WDPCP: variants seen among roughly 807,000 people sequenced by gnomAD.
WDPCP encodes the protein WD repeat-containing and planar cell polarity effector protein fritz homolog.
WDPCP carries 71 observed loss-of-function variants against 93.1 expected under a neutral mutation model. The observed-to-expected ratio is 0.76, with a 90% CI of 0.63 to 0.93. The LOEUF (loss-of-function observed/expected upper bound fraction) is 0.93. Ranked by LOEUF, WDPCP falls within the 40% of genes least tolerant of loss-of-function variation. WDPCP has a pLI of 0.00. For synonymous variants in WDPCP, 315 were observed against 315.0 expected, an observed-to-expected ratio of 1.00 and a Z score of 0.00; for missense variants, 844 against 887.4, an observed-to-expected ratio of 0.95 and a Z score of 0.62.
intron 10 of WDPCP, among the ~76,000 whole-genome samples, chr2:63,393,057 T>C (rs1432587616): frequency 6.6e-6 from 1 of 152,242 alleles, no homozygotes; most frequent in African/African-American, 2.4e-5. Context: ...CAAAGGATTA[T>C]AAATCATGCT....
At chr2:63,397,473 G>A (rs1404806770) in intron 10 of WDPCP, among the ~76,000 whole-genome samples, 1 of 152,130 alleles carries the variant, frequency 6.6e-6, no homozygotes, top group Non-Finnish European at 1.5e-5. Flanking sequence ...AATGGTCTGG[G>A]CTGGAGTCAG....
At chr2:63,403,191 A>G (rs1694284148) in intron 10 of WDPCP, among the ~76,000 whole-genome samples, 1 of 152,186 alleles carries the variant, frequency 6.6e-6, no homozygotes, top group South Asian at 2.1e-4. Context: ...CAAATACCGC[A>G]TGTTCTCACT....
chr2:63,765,456 C>T (rs893716916), intron 2 of WDPCP, among the ~76,000 whole-genome samples: 2 of 152,196 alleles, frequency 1.3e-5, no homozygotes, highest in African/African-American at 2.4e-5. Flanking sequence ...AGCAAGCAAA[C>T]CAGCCACAGG....
chr2:63,516,835 T>C (rs1702585403), intron 1 of WDPCP, among the ~76,000 whole-genome samples: 1 of 152,124 alleles, frequency 6.6e-6, no homozygotes, highest in Non-Finnish European at 1.5e-5. Context: ...GTGAGCAATC[T>C]TCCCACTCTT....
chr2:63,684,438 G>A, intron 2 of WDPCP: 1 of 850,678 alleles, frequency 1.2e-6, no homozygotes, highest in Non-Finnish European at 2.0e-6. Context: ...CTGGTGGCTG[G>A]AATTGACTGC....
intron 9 of WDPCP, among the ~76,000 whole-genome samples, chr2:63,422,931 T>G (rs1003471168): frequency 2.6e-5 from 4 of 152,198 alleles, no homozygotes; most frequent in African/African-American, 9.7e-5. Context: ...AAGATATACA[T>G]TAAAATGTCT....
chr2:63,259,022 A>G (rs1231421979), intron 14 of WDPCP, among the ~76,000 whole-genome samples: 1 of 152,188 alleles, frequency 6.6e-6, no homozygotes, highest in African/African-American at 2.4e-5. Flanking sequence ...GCACTATGAT[A>G]ATACTAAGCT....
intron 9 of WDPCP, among the ~76,000 whole-genome samples, chr2:63,420,838 A>T (rs553813489): frequency 3.3e-5 from 5 of 152,190 alleles, no homozygotes; most frequent in African/African-American, 1.2e-4. Flanking sequence ...AGAGCATTCC[A>T]CCCTCTGAAT....
intron 15 of WDPCP, among the ~76,000 whole-genome samples, chr2:63,161,113 T>G (rs1339064866): frequency 6.6e-6 from 1 of 152,132 alleles, no homozygotes; most frequent in Admixed American, 6.6e-5. Flanking sequence ...ATAGATATGG[T>G]CTGTAAGGAA....
At chr2:63,759,268 C>T (rs1232965453) in intron 2 of WDPCP, among the ~76,000 whole-genome samples, 1 of 152,074 alleles carries the variant, frequency 6.6e-6, no homozygotes, top group Non-Finnish European at 1.5e-5. Context: ...TAAAGGACTG[C>T]CCCCTAAATT....
intron 15 of WDPCP, among the ~76,000 whole-genome samples, chr2:63,154,825 T>A (rs529059742): frequency 7.4e-4 from 113 of 152,304 alleles, no homozygotes; most frequent in African/African-American, 2.5e-3. Context: ...TCAGTATTTT[T>A]AAAAATTATT....
intron 7 of WDPCP, 86 bp downstream of exon 7, chr2:63,439,671 G>A: frequency 8.5e-7 from 1 of 1,171,336 alleles, no homozygotes; most frequent in Non-Finnish European, 1.3e-6. Context: ...AGTCCCCAGT[G>A]GTAATAATTA....
exon 1 of WDPCP, chr2:63,827,684 T>C (rs1671134480): frequency 6.6e-6 from 1 of 152,198 alleles, no homozygotes; most frequent in African/African-American, 2.4e-5. Context: ...TCAAACCTTG[T>C]AATCAAAACT....
chr2:63,405,856 G>A (rs1223309932), intron 9 of WDPCP, among the ~76,000 whole-genome samples: 4 of 151,944 alleles, frequency 2.6e-5, no homozygotes, highest in South Asian at 2.1e-4. Flanking sequence ...ATATCTACAC[G>A]TTAAAATTTT....
intron 6 of WDPCP, among the ~76,000 whole-genome samples, chr2:63,470,159 A>G (rs1355151628): frequency 6.6e-6 from 1 of 152,016 alleles, no homozygotes; most frequent in Non-Finnish European, 1.5e-5. Flanking sequence ...TCCACTCTTC[A>G]GTCTCCTCTG....
intron 3 of WDPCP, among the ~76,000 whole-genome samples, chr2:63,620,664 T>G (rs970312975): frequency 5.0e-4 from 76 of 152,314 alleles, no homozygotes; most frequent in African/African-American, 1.8e-3. Flanking sequence ...ACACAGTGCT[T>G]GAGCTCTGCT....
chr2:63,463,815 CTTACA>C (rs1449759382), intron 6 of WDPCP, among the ~76,000 whole-genome samples: 1 of 152,036 alleles, frequency 6.6e-6, no homozygotes, highest in Non-Finnish European at 1.5e-5. Context: ...TGAACCTTAC[CTTACA>C]TAATATACAA....
chr2:63,367,730 A>T (rs1477174018), intron 12 of WDPCP, among the ~76,000 whole-genome samples: 3 of 152,206 alleles, frequency 2.0e-5, no homozygotes, highest in African/African-American at 7.2e-5. Context: ...CTTTAGAAAA[A>T]ACATAAGTGT....
At chr2:63,166,316 T>C (rs6715413) in intron 15 of WDPCP, among the ~76,000 whole-genome samples, 148,903 of 152,092 alleles carry the variant, frequency 0.98, 72,911 homozygotes, top group Middle Eastern at 1. Flanking sequence ...TCGCCTGCCT[T>C]GGCCTCCCAA....
Sources: allele counts gnomAD v4.1 joint callset (sites outside exome capture counted in the v4.1 genomes callset), GRCh38; gene constraint gnomAD v4.1.1; transcripts MANE v1.5; gene names NCBI Gene and HGNC (gene_info 2026-07-23, HGNC 2026-07-21).